INF2: variants seen among roughly 807,000 people sequenced by gnomAD.
INF2 encodes the protein inverted formin 2.
Under a neutral mutation model 123.5 loss-of-function variants are expected in INF2, and 43 were observed. The observed-to-expected ratio is 0.35, with a 90% CI of 0.27 to 0.45. The LOEUF (loss-of-function observed/expected upper bound fraction) is 0.45, where lower values mean the gene tolerates loss of function less well. Ranked by LOEUF, INF2 falls within the 20% of genes least tolerant of loss-of-function variation. INF2 has a pLI of 1.00. For missense variants in INF2, 1,453 were observed against 1,682.7 expected (o/e 0.86, Z 2.39); for synonymous variants, 851 against 745.0 (o/e 1.14, Z -2.32).
chr14:104,714,133 G>A (rs1278948190), intron 20 of INF2, 70 bp from the exon 21 acceptor site: 32 of 1,326,660 alleles, frequency 2.4e-5, no homozygotes, highest in Non-Finnish European at 2.8e-5. Flanking sequence ...ACAGCGGAAT[G>A]GAGGAGGCTG....
At chr14:104,683,294 G>A (rs1267161110) in intron 1 of INF2, among the ~76,000 whole-genome samples, 1 of 152,148 alleles carries the variant, frequency 6.6e-6, no homozygotes, top group Non-Finnish European at 1.5e-5. Flanking sequence ...TAAATCCCAA[G>A]CATGCATCCT....
upstream of INF2, chr14:104,689,590 T>TACCCCCCCCCC: frequency 3.4e-4 from 222 of 646,914 alleles, no homozygotes; most frequent in Non-Finnish European, 3.8e-4. Flanking sequence ...CTCCTCTTCC[T>TACCCCCCCCCC]CCCGCCCGCC....
chr14:104,696,379 C>T (rs1013793431), intron 1 of INF2, among the ~76,000 whole-genome samples: 9 of 152,324 alleles, frequency 5.9e-5, no homozygotes, highest in African/African-American at 9.6e-5. Context: ...AGGCCCAGTG[C>T]GCCCCATGCC....
At chr14:104,713,117 C>T (rs1325227831) in intron 18 of INF2, 90 bp from the exon 19 acceptor site, 8 of 1,606,538 alleles carry the variant, frequency 5.0e-6, no homozygotes, top group Non-Finnish European at 6.8e-6. Context: ...GGGCCCTGCG[C>T]TGCTGCGGCT....
rs73347508 is a variant in INF2, at chr14:104,713,007, C to T, written c.2775+15C>T. Reference sequence around the variant, plus strand: ...GCGCCCTGAAGGTGGGGCAGCCCGGCGGGACACAGCCTGTCTGGCTAGAGT... The same window carrying T: ...GCGCCCTGAAGGTGGGGCAGCCCGGTGGGACACAGCCTGTCTGGCTAGAGT... On this transcript the variant is annotated intron_variant, in intron 18 of 22. Transcript: ENST00000392634. 0.012 allele frequency: 19,287 copies of T among 1,611,780 alleles called. 1,856 individuals are homozygous for T. The African/African-American group carries it at 0.22, about 18-fold the overall frequency.
chr14:104,715,088 C>T (rs1011091500), intron 21 of INF2, among the ~76,000 whole-genome samples, 196 bp from the exon 22 acceptor site: 2 of 152,206 alleles, frequency 1.3e-5, no homozygotes, highest in African/African-American at 4.8e-5. Context: ...ACGCCACCTC[C>T]GTTAGGGAGT....
At chr14:104,681,289 C>G (rs1007705708) in exon 1 of INF2, 1 of 383,312 alleles carries the variant, frequency 2.6e-6, no homozygotes, top group African/African-American at 2.1e-5. Flanking sequence ...CCCATGCTCA[C>G]TGAATAAAGC....
rs1323987101 is a variant in INF2, at chr14:104,715,319, A to C, written c.3730A>C (p.Lys1244Gln). 6.2e-7 allele frequency: 1 copy of C among 1,613,642 alleles called. No homozygotes were observed. Among genetic ancestry groups the C allele is most frequent in the Non-Finnish European group, 8.5e-7 (1 of 1,179,850 alleles). Residue 1244 changes from lysine (K) to glutamine (Q), a missense_variant, in exon 22 of 23, where the codon AAA (lysine) becomes CAA (glutamine). Lys to Gln is a moderately conservative substitution (Grantham distance 53). Around this residue, in one of 8 missense-constraint regions of INF2, gnomAD observed 344 missense variants for 333.1 expected, o/e 1.03. Coordinates refer to ENST00000392634, the MANE Select transcript of INF2 (RefSeq NM_022489.4). ...PPDSDDNKTK[K>Q]LCVIQ ...TGATTCTGATGATAATAAAACAAAG[A>C]AACTGTGTGTGATCCAGTAAGGTAT...
In INF2 at chr14:104,710,399, C is replaced by T. The variant is rs975594761; in HGVS notation, c.2239+211C>T. 9.9e-5 allele frequency among the ~76,000 whole-genome samples: 15 copies of T among 151,730 alleles called. 1 individual carries two copies. The highest frequency in any genetic ancestry group is 4.2e-4 in the South Asian group (2 of 4,802). ...GACGCACAGACACACGCATGCCCAC[C>T]GCCACTCGGGCACGTGCACACACAC... On this transcript the variant is annotated intron_variant, in intron 13 of 22. Transcript: ENST00000392634.
upstream of INF2, among the ~76,000 whole-genome samples, chr14:104,688,688 G>T (rs1888766638): frequency 6.6e-6 from 1 of 152,242 alleles, no homozygotes; most frequent in Non-Finnish European, 1.5e-5. Context: ...TGTCTGCTCT[G>T]TCACATGTCA....
At chr14:104,710,281 C>T in intron 13 of INF2, 93 bp downstream of exon 13, 1 of 865,466 alleles carries the variant, frequency 1.2e-6, no homozygotes, top group East Asian at 2.7e-5. Flanking sequence ...CTGCCAGTAT[C>T]ATAATGGCTG....
chr14:104,688,142 G>C (rs934515967), upstream of INF2, among the ~76,000 whole-genome samples: 1 of 152,272 alleles, frequency 6.6e-6, no homozygotes, highest in African/African-American at 2.4e-5. Context: ...ATTGCAGAGT[G>C]CCTGTCTAGG....
chr14:104,709,207 G>A (rs752013314), intron 10 of INF2, 74 bp from the exon 11 acceptor site: 28 of 1,170,730 alleles, frequency 2.4e-5, no homozygotes, highest in Non-Finnish European at 3.5e-5. Context: ...ACCCTGCCAG[G>A]TGGGGTCCCA....
intron 22 of INF2, among the ~76,000 whole-genome samples, chr14:104,716,899 T>C (rs4983536): frequency 0.63 from 95,523 of 151,888 alleles, 30,985 homozygotes; most frequent in East Asian, 0.91. Flanking sequence ...ACCATGTTGG[T>C]CAGGCTGGTC....
At chr14:104,691,973 T>TGTCCTCTCCTGAGGGGCC (rs1483527605) in intron 1 of INF2, among the ~76,000 whole-genome samples, 3 of 152,032 alleles carry the variant, frequency 2.0e-5, no homozygotes, top group Non-Finnish European at 4.4e-5. Flanking sequence ...CGGTGGTGCC[T>TGTCCTCTCCTGAGGGGCC]GTCCTCTCCT....
At chr14:104,697,322 C>T (rs1051797628) in intron 1 of INF2, among the ~76,000 whole-genome samples, 1 of 152,230 alleles carries the variant, frequency 6.6e-6, no homozygotes, top group African/African-American at 2.4e-5. Context: ...AGGTCCCTCG[C>T]GTGCTGGGAT....
Position 104,711,203 on chromosome 14 carries a change from G to A in INF2, c.2418+17G>A. ...GTGCTGGAGGTGGGCCGTGGTGGCG[G>A]GGGCATAATGGGAGGGCTTCAAGTC... On this transcript the variant is annotated intron_variant, in intron 15 of 22. Coordinates refer to ENST00000392634, the MANE Select transcript of INF2 (RefSeq NM_022489.4). The A allele has an allele frequency of 6.5e-7, 1 of 1,541,786 alleles. No homozygotes were observed. The highest frequency in any genetic ancestry group is 8.8e-7 in the Non-Finnish European group (1 of 1,140,254).
rs2140628373 is a variant in INF2, at chr14:104,699,270, C to T, written c.-9-2087C>T. The T allele has an allele frequency of 5.1e-6, 2 of 394,722 alleles. No individual in the cohort carries two copies. Among genetic ancestry groups the T allele is most frequent in the South Asian group, 2.1e-4 (2 of 9,634 alleles). The allele number at this position is 394,722 out of a possible 1,614,324, so 24.5% of individuals were successfully genotyped here. On this transcript the variant is annotated intron_variant, in intron 1 of 22. Transcript: ENST00000392634. The surrounding 1 kb of genome is among the most constrained non-coding windows in gnomAD (Gnocchi z 4.7). ...GCCTGGGAGAGTTCATAACTCCGTCCACTCAGCCTGTGCCAAGGGGACAGG... is the reference window on the plus strand; with the variant it reads ...GCCTGGGAGAGTTCATAACTCCGTCTACTCAGCCTGTGCCAAGGGGACAGG...
chr14:104,681,802 T>A (rs902038010), intron 1 of INF2, among the ~76,000 whole-genome samples: 1 of 152,130 alleles, frequency 6.6e-6, no homozygotes, highest in East Asian at 1.9e-4. Context: ...GCCCATGACA[T>A]CCCCTTGGTT....
Sources: gnomAD v4.1 joint callset for allele counts (sites outside exome capture counted in the v4.1 genomes callset) on GRCh38, gnomAD v4.1.1 for gene constraint, gnomAD v4.1.1 regional missense constraint, Gnocchi (gnomAD v3.1) non-coding constraint, MANE v1.5 for transcripts, NCBI Gene and HGNC (gene_info 2026-07-23, HGNC 2026-07-21) for gene names.